The following NLGN4X variants were observed in gnomAD, a reference collection of about 807,000 sequenced individuals.
The protein encoded by NLGN4X is neuroligin-4, X-linked.
In NLGN4X, 3 loss-of-function variants were observed where a neutral mutation model predicts 40.3. That is an observed-to-expected ratio of 0.07 (90% CI 0.03 to 0.19). The LOEUF is 0.19. Ranked by LOEUF, NLGN4X falls within the 10% of genes least tolerant of loss-of-function variation. The probability of loss-of-function intolerance (pLI) is 1.00; values close to 1 mark genes in which losing one functional copy is unlikely to be tolerated. For synonymous variants in NLGN4X, 270 were observed against 306.8 expected (o/e 0.88, Z 1.25); for missense variants, 382 against 708.3 (o/e 0.54, Z 5.23).
intron 1 of NLGN4X, among the ~76,000 whole-genome samples, chrX:6,161,545 G>A (rs894192593): frequency 2.9e-5 from 3 of 104,347 alleles, no homozygotes; most frequent in African/African-American, 1.0e-4. Flanking sequence ...TCAATATTTT[G>A]CTTGGTTATT....
chrX:6,057,062 A>G (rs1237806483), intron 2 of NLGN4X, among the ~76,000 whole-genome samples: 1 of 112,109 alleles, frequency 8.9e-6, no homozygotes, highest in African/African-American at 3.2e-5. Flanking sequence ...TATTACACTT[A>G]GCATGAAAGA....
intron 1 of NLGN4X, among the ~76,000 whole-genome samples, chrX:6,172,715 G>A (rs1283215224): frequency 2.7e-5 from 3 of 111,748 alleles, no homozygotes; most frequent in Non-Finnish European, 5.6e-5. Flanking sequence ...TAGGATGTAA[G>A]ACTGTCTTTT....
chrX:5,987,159 A>C (rs377573113), intron 3 of NLGN4X, among the ~76,000 whole-genome samples: 10 of 112,242 alleles, frequency 8.9e-5, no homozygotes, highest in African/African-American at 3.2e-4. Context: ...AGTGGAATGG[A>C]TGTATACACA....
intron 1 of NLGN4X, among the ~76,000 whole-genome samples, chrX:6,228,116 C>T (rs925574335): frequency 3.6e-5 from 4 of 111,617 alleles, no homozygotes; most frequent in Admixed American, 1.9e-4. Flanking sequence ...CTCCTCTCCC[C>T]GCCACAGTCT....
chrX:5,927,018 T>C lies in NLGN4X; in HGVS notation c.626-17779A>G, dbSNP rs2033359544. Among the ~76,000 whole-genome samples the C allele has an allele frequency of 2.7e-5, 3 of 109,790 alleles. No individual in the cohort carries two copies. The South Asian group carries it at 1.2e-3, about 43-fold the overall frequency. On this transcript the variant is annotated intron_variant, in intron 3 of 5. Transcript: ENST00000381095. ...TTGCTCTCTACTCCGGGCCCCAGAGTGCTAAGAGGATACATGTATGTACAT... is the reference window on the plus strand; with the variant it reads ...TTGCTCTCTACTCCGGGCCCCAGAGCGCTAAGAGGATACATGTATGTACAT...
intron 3 of NLGN4X, among the ~76,000 whole-genome samples, chrX:5,916,481 G>A (rs1177719383): frequency 9.0e-6 from 1 of 110,708 alleles, no homozygotes; most frequent in Non-Finnish European, 1.9e-5. Flanking sequence ...ACAGAGTTTC[G>A]CTCTGCTTCC....
chrX:6,044,170 C>A (rs1767294074), intron 2 of NLGN4X, among the ~76,000 whole-genome samples: 1 of 106,598 alleles, frequency 9.4e-6, no homozygotes, highest in African/African-American at 3.4e-5. Context: ...GTAGTCCCAG[C>A]TGCTCAGGAG....
chrX:6,008,877 T>C (rs376098003), intron 3 of NLGN4X, among the ~76,000 whole-genome samples: 2 of 111,969 alleles, frequency 1.8e-5, no homozygotes, highest in Non-Finnish European at 3.8e-5. Flanking sequence ...ACAAACACCA[T>C]TCAACTTTTT....
At chrX:6,089,563 C>T (rs1051966772) in intron 2 of NLGN4X, among the ~76,000 whole-genome samples, 1 of 112,448 alleles carries the variant, frequency 8.9e-6, no homozygotes. Flanking sequence ...TTCTTGCTTA[C>T]ATTATCTGCT....
chrX:5,923,694 A>C (rs2146828854), intron 3 of NLGN4X, among the ~76,000 whole-genome samples: 1 of 111,706 alleles, frequency 9.0e-6, no homozygotes, highest in South Asian at 3.7e-4. Flanking sequence ...CCCATGATTC[A>C]CTTGCCTCCC....
chrX:6,200,694 T>TTTTTCTTTTTTC (rs753707498), intron 1 of NLGN4X, among the ~76,000 whole-genome samples: 3 of 91,282 alleles, frequency 3.3e-5, no homozygotes, highest in Admixed American at 2.5e-4. Flanking sequence ...TTTCTTTTTT[T>TTTTTCTTTTTTC]TTTTTTTTTT....
At chrX:6,160,240 T>C (rs1466389752) in intron 1 of NLGN4X, among the ~76,000 whole-genome samples, 4 of 112,105 alleles carry the variant, frequency 3.6e-5, no homozygotes, top group Admixed American at 2.9e-4. Flanking sequence ...TATGCCTATA[T>C]CAAAATATCT....
chrX:6,032,950 A>T (rs1337419211), intron 2 of NLGN4X, among the ~76,000 whole-genome samples: 1 of 111,811 alleles, frequency 8.9e-6, no homozygotes, highest in East Asian at 2.8e-4. Context: ...AAACATAAAG[A>T]TGTCAAGAAG....
At chrX:6,024,248 T>C in intron 3 of NLGN4X, among the ~76,000 whole-genome samples, 1 of 111,276 alleles carries the variant, frequency 9.0e-6, no homozygotes, top group Non-Finnish European at 1.9e-5. Flanking sequence ...GGTACTCAAG[T>C]GGGTAGGTGA....
At chrX:5,968,438 C>CCTCTCT (rs758256758) in intron 3 of NLGN4X, among the ~76,000 whole-genome samples, 30 of 15,080 alleles carry the variant, frequency 2.0e-3, no homozygotes, top group African/African-American at 6.3e-3. Flanking sequence ...TGTAAGTACC[C>CCTCTCT]CTCTCTCTCT....
chrX:6,059,520 T>C (rs2037718729), intron 2 of NLGN4X, among the ~76,000 whole-genome samples: 1 of 112,153 alleles, frequency 8.9e-6, no homozygotes, highest in Non-Finnish European at 1.9e-5. Context: ...CTCTAATTGC[T>C]GTCTGCCTTG....
At chrX:6,115,963 T>C (rs1439623466) in intron 2 of NLGN4X, among the ~76,000 whole-genome samples, 1 of 110,689 alleles carries the variant, frequency 9.0e-6, no homozygotes, top group African/African-American at 3.3e-5. Flanking sequence ...GAGAAAGTGC[T>C]CTCACGGAGT....
chrX:6,032,067 C>T (rs774764021), intron 2 of NLGN4X, among the ~76,000 whole-genome samples: 12 of 93,611 alleles, frequency 1.3e-4, no homozygotes, highest in Admixed American at 7.3e-4. Flanking sequence ...TTCCCCACCC[C>T]CCCTTAAATG....
intron 3 of NLGN4X, among the ~76,000 whole-genome samples, chrX:5,935,033 TA>T (rs761166839): frequency 1.6e-3 from 175 of 112,165 alleles, no homozygotes; most frequent in Middle Eastern, 4.6e-3. Flanking sequence ...TCTACACAGC[TA>T]CTATTAGTCG....
Sources: allele counts gnomAD v4.1 joint callset (sites outside exome capture counted in the v4.1 genomes callset), GRCh38; gene constraint gnomAD v4.1.1; transcripts MANE v1.5; gene names NCBI Gene and HGNC (gene_info 2026-07-23, HGNC 2026-07-21).